Variants in ANKRD45 observed in about 807,000 individuals in gnomAD.
ANKRD45 encodes the protein ankyrin repeat domain-containing protein 45.
In ANKRD45, 21 loss-of-function variants were observed where a neutral mutation model predicts 28.1. That is an observed-to-expected ratio of 0.75 (90% CI 0.53 to 1.08). The LOEUF (loss-of-function observed/expected upper bound fraction) is 1.08, where lower values mean the gene tolerates loss of function less well. Ranked by LOEUF, ANKRD45 falls within the 50% of genes least tolerant of loss-of-function variation. ANKRD45 has a pLI of 0.00. For missense variants in ANKRD45, 261 were observed against 308.7 expected (o/e 0.85, Z 1.16); for synonymous variants, 86 against 103.9 (o/e 0.83, Z 1.05).
the ANKRD45 span, among the ~76,000 whole-genome samples, chr1:173,699,217 A>T: frequency 6.6e-6 from 1 of 152,326 alleles, no homozygotes; most frequent in South Asian, 2.1e-4. Flanking sequence ...GACCACATGG[A>T]TTCACAGCTG....
chr1:173,655,137 G>A (rs530096523), intron 2 of ANKRD45, among the ~76,000 whole-genome samples: 29 of 152,204 alleles, frequency 1.9e-4, no homozygotes, highest in African/African-American at 3.1e-4. Flanking sequence ...GCTTTGTTCC[G>A]TTGCTGGTGA....
chr1:173,677,012 A>G, the ANKRD45 span, among the ~76,000 whole-genome samples: 3 of 151,938 alleles, frequency 2.0e-5, no homozygotes, highest in African/African-American at 7.2e-5. Context: ...ACTTTAAGGA[A>G]CCGGGAATAT....
chr1:173,670,997 A>G (rs1289249217), upstream of ANKRD45, among the ~76,000 whole-genome samples: 1 of 152,202 alleles, frequency 6.6e-6, no homozygotes, highest in Non-Finnish European at 1.5e-5. Flanking sequence ...TTTATCACCT[A>G]GTGTGCAAGT....
the ANKRD45 span, among the ~76,000 whole-genome samples, chr1:173,689,097 T>TA: frequency 4.6e-5 from 7 of 152,196 alleles, no homozygotes; most frequent in Admixed American, 3.9e-4. Context: ...CTGACCCCCC[T>TA]ACTCTTCCTC....
the ANKRD45 span, among the ~76,000 whole-genome samples, chr1:173,705,953 A>G: frequency 6.6e-6 from 1 of 152,186 alleles, no homozygotes. Flanking sequence ...TTAGCATGCT[A>G]TAAACACTGT....
chr1:173,655,176 C>T (rs1669442590), intron 2 of ANKRD45, among the ~76,000 whole-genome samples: 2 of 151,018 alleles, frequency 1.3e-5, no homozygotes, highest in Non-Finnish European at 2.9e-5. Context: ...AGAAGAGGTG[C>T]TCTTGTTTTT....
In ANKRD45 at chr1:173,608,906, A is replaced by AGGG. The variant is rs1290273571; in HGVS notation, c.*1238_*1239insCCC. 1.7e-5 allele frequency among the ~76,000 whole-genome samples: 1 copy of AGGG among 59,678 alleles called. No individual in the cohort carries two copies. The highest frequency in any genetic ancestry group is 2.0e-4 in the Admixed American group (1 of 5,058). 39.2% of individuals were successfully genotyped at this position (59,678 alleles called of 152,430 possible). On this transcript the variant is annotated 3_prime_UTR_variant, in exon 6 of 6. Transcript: ENST00000333279. ...AAGGGAGGGGAGGGGAGAGGAAGGG[A>AGGG]GAGGAAGGGAGGGGAAGGGAGGGGA...
At chr1:173,646,261 C>T (rs973804240) in intron 3 of ANKRD45, among the ~76,000 whole-genome samples, 40 of 152,058 alleles carry the variant, frequency 2.6e-4, no homozygotes, top group African/African-American at 9.4e-4. Flanking sequence ...CAGAAAAGTA[C>T]AAAAACCATG....
chr1:173,699,383 A>G, the ANKRD45 span, among the ~76,000 whole-genome samples: 2 of 152,252 alleles, frequency 1.3e-5, no homozygotes, highest in Non-Finnish European at 2.9e-5. Flanking sequence ...AGAGAATTTT[A>G]GACCAATATC....
At chr1:173,631,173 T>C (rs1416105489) in intron 3 of ANKRD45, among the ~76,000 whole-genome samples, 2 of 151,970 alleles carry the variant, frequency 1.3e-5, no homozygotes, top group African/African-American at 4.8e-5. Flanking sequence ...GCAGGAGTAG[T>C]ACACTTACAT....
intron 1 of ANKRD45, among the ~76,000 whole-genome samples, chr1:173,663,180 T>G (rs1328652611): frequency 6.6e-6 from 1 of 151,884 alleles, no homozygotes; most frequent in East Asian, 1.9e-4. Context: ...AGAAGCAGGA[T>G]TCTTCTTTTC....
the ANKRD45 span, among the ~76,000 whole-genome samples, chr1:173,711,292 T>G: frequency 6.6e-5 from 10 of 152,312 alleles, no homozygotes; most frequent in African/African-American, 2.2e-4. Flanking sequence ...CCTCAGGAGA[T>G]CCTGATGACA....
At chr1:173,643,662 A>G (rs1421613043) in intron 3 of ANKRD45, among the ~76,000 whole-genome samples, 4 of 152,104 alleles carry the variant, frequency 2.6e-5, no homozygotes, top group African/African-American at 9.7e-5. Flanking sequence ...AATTTTTTAA[A>G]CTATGGTTAC....
At chr1:173,616,226 A>G (rs945696725) in intron 5 of ANKRD45, among the ~76,000 whole-genome samples, 3 of 152,158 alleles carry the variant, frequency 2.0e-5, no homozygotes, top group African/African-American at 7.2e-5. Context: ...GCCAAGTGAG[A>G]GAGGCCACCA....
chr1:173,638,719 A>T (rs761983693), intron 3 of ANKRD45, among the ~76,000 whole-genome samples: 1 of 152,220 alleles, frequency 6.6e-6, no homozygotes, highest in Non-Finnish European at 1.5e-5. Flanking sequence ...TTAAATCAAA[A>T]AGCAGGAAGG....
chr1:173,640,807 A>C (rs1668667818), intron 3 of ANKRD45, among the ~76,000 whole-genome samples: 1 of 152,218 alleles, frequency 6.6e-6, no homozygotes, highest in South Asian at 2.1e-4. Flanking sequence ...GCAACCTTGC[A>C]GTAGCTGGAA....
At chr1:173,693,650 T>C in the ANKRD45 span, among the ~76,000 whole-genome samples, 1 of 152,180 alleles carries the variant, frequency 6.6e-6, no homozygotes, top group Admixed American at 6.5e-5. Context: ...TCCAAGAAAA[T>C]AGAACTACCA....
intron 4 of ANKRD45, 49 bp from the exon 5 acceptor site, chr1:173,624,974 A>G: frequency 1.9e-6 from 3 of 1,569,838 alleles, no homozygotes; most frequent in Non-Finnish European, 2.6e-6. Flanking sequence ...ATTGAAAAAT[A>G]AAACTCAACA....
intron 3 of ANKRD45, among the ~76,000 whole-genome samples, chr1:173,629,692 G>C (rs1163711359): frequency 6.6e-6 from 1 of 152,078 alleles, no homozygotes; most frequent in East Asian, 1.9e-4. Flanking sequence ...AAATCTAAAA[G>C]TTTCTGGCCT....
Sources: gnomAD v4.1 joint callset for allele counts (sites outside exome capture counted in the v4.1 genomes callset) on GRCh38, gnomAD v4.1.1 for gene constraint, MANE v1.5 for transcripts, NCBI Gene and HGNC (gene_info 2026-07-23, HGNC 2026-07-21) for gene names.